The following ZFHX3 variants were observed in gnomAD, a reference collection of about 807,000 sequenced individuals.
ZFHX3 encodes the protein zinc finger homeobox 3.
ZFHX3 carries 42 observed loss-of-function variants against 279.1 expected under a neutral mutation model. The observed-to-expected ratio is 0.15, with a 90% CI of 0.12 to 0.19. The LOEUF is 0.19. Among genes scored for constraint, ZFHX3 ranks in the 10% least tolerant of loss-of-function variants. ZFHX3 has a pLI of 1.00. For synonymous variants in ZFHX3, 2,293 were observed against 1,957.8 expected (o/e 1.17, Z -4.52); for missense variants, 4,981 against 4,754.0 (o/e 1.05, Z -1.40).
chr16:73,833,058 A>G (rs1961040970), intron 1 of ZFHX3, among the ~76,000 whole-genome samples: 1 of 152,210 alleles, frequency 6.6e-6, no homozygotes, highest in Non-Finnish European at 1.5e-5. Context: ...GTTGTAGATC[A>G]GTTTTACATA....
At chr16:73,751,551 A>G (rs1384305187) in intron 1 of ZFHX3, among the ~76,000 whole-genome samples, 4 of 152,188 alleles carry the variant, frequency 2.6e-5, no homozygotes, top group Non-Finnish European at 5.9e-5. Flanking sequence ...ATATATGTTT[A>G]TGTACATACA....
intron 1 of ZFHX3, among the ~76,000 whole-genome samples, chr16:73,824,381 C>CTTTTTTTTTTTTTTTTTTTTTTTTTTT (rs770822715): frequency 8.9e-6 from 1 of 112,152 alleles, no homozygotes. Context: ...CAAATAATTT[C>CTTTTTTTTTTTTTTTTTTTTTTTTTTT]TTTTTTTTTT....
intron 2 of ZFHX3, among the ~76,000 whole-genome samples, chr16:73,531,251 G>A (rs1368277564): frequency 6.6e-6 from 1 of 152,150 alleles, no homozygotes; most frequent in Non-Finnish European, 1.5e-5. Flanking sequence ...TGCTCAGTAT[G>A]TCCAGATGAT....
chr16:73,801,128 T>C (rs953215548), intron 1 of ZFHX3, among the ~76,000 whole-genome samples: 3 of 152,330 alleles, frequency 2.0e-5, no homozygotes, highest in Admixed American at 6.5e-5. Context: ...TTTGTACTTA[T>C]ATTCAATTAT....
chr16:73,744,130 T>A (rs2053683890), intron 1 of ZFHX3, among the ~76,000 whole-genome samples: 1 of 152,258 alleles, frequency 6.6e-6, no homozygotes. Flanking sequence ...TTCATTAGTA[T>A]CTAAAAGATC....
intron 2 of ZFHX3, chr16:73,483,397 A>G: frequency 2.2e-6 from 1 of 455,676 alleles, no homozygotes; most frequent in South Asian, 1.5e-5. Context: ...GAGCCAGGGT[A>G]GGGACCAAAA....
intron 1 of ZFHX3, among the ~76,000 whole-genome samples, chr16:73,833,688 G>A (rs979688668): frequency 7.2e-5 from 11 of 151,862 alleles, no homozygotes; most frequent in Non-Finnish European, 1.5e-4. Context: ...AACCACCATG[G>A]CACGTGTATA....
intron 4 of ZFHX3, among the ~76,000 whole-genome samples, chr16:73,278,121 G>A (rs1193874782): frequency 6.6e-6 from 1 of 152,164 alleles, no homozygotes; most frequent in Non-Finnish European, 1.5e-5. Context: ...GTGTCCAAAA[G>A]GGAACATTTT....
chr16:72,963,266 C>A (rs1239953585), intron 1 of ZFHX3, among the ~76,000 whole-genome samples: 1 of 152,132 alleles, frequency 6.6e-6, no homozygotes, highest in Non-Finnish European at 1.5e-5. Context: ...CAGGTTCACA[C>A]CCCTCCTCCC....
At chr16:73,190,087 T>G (rs1967996807) in intron 5 of ZFHX3, among the ~76,000 whole-genome samples, 1 of 152,236 alleles carries the variant, frequency 6.6e-6, no homozygotes. Flanking sequence ...AGTCTTTTTG[T>G]TTCTTCATAA....
In ZFHX3 at chr16:72,865,549, G is replaced by C. The variant is rs138255044; in HGVS notation, c.3448+24182C>G. Among the ~76,000 whole-genome samples, 123 of 152,294 alleles carry C rather than the reference G, an allele frequency of 8.1e-4. 1 individual carries two copies. The highest frequency in any genetic ancestry group is 2.9e-3 in the African/African-American group (121 of 41,556). On this transcript the variant is annotated intron_variant, in intron 4 of 9. Coordinates refer to ENST00000268489, the MANE Select transcript of ZFHX3 (RefSeq NM_006885.4). ...TCCCCACCCAATGTGCCAACCCAAG[G>C]GCACACTGACAAGGAGTATGCTGTC...
rs116358514 is a variant in ZFHX3 at position 73,576,615 on chromosome 16, A to C, written c.-1547+103565T>G. ...GGGGACCTGCCAACACCCTGCTGAC[A>C]GTTCTGTTTTAACATGTATGTCCCA... On this transcript the variant is annotated intron_variant, in intron 2 of 17. Coordinates refer to the ZFHX3 transcript ENST00000641206. Among the ~76,000 whole-genome samples, 734 of 152,292 alleles carry C rather than the reference A, an allele frequency of 4.8e-3. 6 individuals are homozygous for C. Among genetic ancestry groups the C allele is most frequent in the African/African-American group, 0.015 (644 of 41,558 alleles).
At chr16:73,422,197 A>ATTTTT (rs34462342) in intron 3 of ZFHX3, among the ~76,000 whole-genome samples, 4 of 144,572 alleles carry the variant, frequency 2.8e-5, no homozygotes, top group African/African-American at 5.1e-5. Context: ...TTTTCAGAAG[A>ATTTTT]TTTTTTTTTT....
intron 5 of ZFHX3, among the ~76,000 whole-genome samples, chr16:73,154,247 G>A (rs866082914): frequency 1.3e-5 from 2 of 152,092 alleles, no homozygotes; most frequent in Admixed American, 6.5e-5. Context: ...GCCTTTCTTC[G>A]GTCAATGCAC....
chr16:72,887,048 A>T lies in ZFHX3; in HGVS notation c.3448+2683T>A, dbSNP rs138798372. Among the ~76,000 whole-genome samples the T allele has an allele frequency of 8.9e-4, 135 of 152,320 alleles. No homozygotes were observed. In the East Asian group the frequency reaches 0.023, roughly 26 times the overall value. The stretch of plus-strand genomic sequence containing the variant: ...CCCAACAGCCCTTTCCTGAACAAAC[A>T]ATTTCTACTGACTGTCGAAACCTCA... On this transcript the variant is annotated intron_variant, in intron 4 of 9. Transcript: ENST00000268489.
chr16:73,078,790 G>A (rs961257371), intron 8 of ZFHX3, among the ~76,000 whole-genome samples: 1 of 151,944 alleles, frequency 6.6e-6, no homozygotes, highest in Admixed American at 6.6e-5. Flanking sequence ...GACTACAGGC[G>A]TCCGCCACCA....
intron 2 of ZFHX3, among the ~76,000 whole-genome samples, chr16:73,513,992 T>C (rs1454008329): frequency 6.6e-6 from 1 of 152,192 alleles, no homozygotes; most frequent in East Asian, 1.9e-4. Flanking sequence ...GCAGTGGCTG[T>C]AATCCCAGCA....
chr16:73,071,479 C>CTGCT (rs1336144367), intron 8 of ZFHX3, among the ~76,000 whole-genome samples: 70 of 132,300 alleles, frequency 5.3e-4, no homozygotes, highest in African/African-American at 2.5e-3. Context: ...CTGCTGCTGC[C>CTGCT]GCCGCCGCCG....
intron 2 of ZFHX3, among the ~76,000 whole-genome samples, chr16:73,487,073 G>A (rs1356485910): frequency 6.6e-6 from 1 of 152,150 alleles, no homozygotes; most frequent in African/African-American, 2.4e-5. Flanking sequence ...ATTGGAGTTG[G>A]GTAGAAGAAT....
Sources: gnomAD v4.1 joint callset for allele counts (sites outside exome capture counted in the v4.1 genomes callset) on GRCh38, gnomAD v4.1.1 for gene constraint, MANE v1.5 for transcripts, NCBI Gene and HGNC (gene_info 2026-07-23, HGNC 2026-07-21) for gene names.